Variants in GALNT17 observed in about 807,000 individuals in gnomAD.
GALNT17 encodes UDP-GalNAc:polypeptide N-acetylgalactosaminyltransferase-like 3.
GALNT17 carries 29 observed loss-of-function variants against 63.7 expected under a neutral mutation model. That is an observed-to-expected ratio of 0.46 (90% CI 0.34 to 0.62). The LOEUF (loss-of-function observed/expected upper bound fraction) is 0.62, where lower values mean the gene tolerates loss of function less well. GALNT17 is among the 20% of genes least tolerant of loss of function. The pLI is 0.01. For synonymous variants in GALNT17, 305 were observed against 318.3 expected, an observed-to-expected ratio of 0.96 and a Z score of 0.45; for missense variants, 603 against 799.6, an observed-to-expected ratio of 0.75 and a Z score of 2.97.
At chr7:71,629,265 C>G (rs1476109237) in intron 6 of GALNT17, among the ~76,000 whole-genome samples, 1 of 152,070 alleles carries the variant, frequency 6.6e-6, no homozygotes, top group African/African-American at 2.4e-5. Context: ...TCAAGCTGCT[C>G]CAGCCAGGAG....
chr7:71,195,528 T>C (rs1789032062), intron 1 of GALNT17, among the ~76,000 whole-genome samples: 1 of 152,092 alleles, frequency 6.6e-6, no homozygotes, highest in Admixed American at 6.6e-5. Context: ...CACAGGCATC[T>C]GCCACCATGC....
chr7:71,294,371 A>G (rs1415110466), intron 1 of GALNT17, among the ~76,000 whole-genome samples: 2 of 147,684 alleles, frequency 1.4e-5, no homozygotes, highest in Non-Finnish European at 3.0e-5. Context: ...AATGCTCACA[A>G]TATGCATATT....
chr7:71,517,719 C>T (rs1199060954), intron 5 of GALNT17, among the ~76,000 whole-genome samples: 1 of 152,110 alleles, frequency 6.6e-6, no homozygotes, highest in Non-Finnish European at 1.5e-5. Flanking sequence ...AGGGGCTGTT[C>T]TAGGTTTAGA....
At chr7:71,491,119 A>G (rs1338158115) in intron 5 of GALNT17, among the ~76,000 whole-genome samples, 2 of 152,104 alleles carry the variant, frequency 1.3e-5, no homozygotes, top group Non-Finnish European at 2.9e-5. Flanking sequence ...ACTTGAACCC[A>G]GGAGGCAGAG....
chr7:71,613,002 C>G (rs544369581), intron 6 of GALNT17, among the ~76,000 whole-genome samples: 11 of 152,260 alleles, frequency 7.2e-5, no homozygotes, highest in Admixed American at 2.0e-4. Context: ...GTTAACGGCC[C>G]CCCTCTCGCC....
chr7:71,252,180 T>G (rs1790210194), intron 1 of GALNT17, among the ~76,000 whole-genome samples: 1 of 151,790 alleles, frequency 6.6e-6, no homozygotes, highest in African/African-American at 2.4e-5. Flanking sequence ...AACAGAAGTT[T>G]TATTATAGGC....
intron 1 of GALNT17, among the ~76,000 whole-genome samples, chr7:71,170,184 G>A (rs1788521206): frequency 6.6e-6 from 1 of 152,124 alleles, no homozygotes; most frequent in East Asian, 1.9e-4. Context: ...GATAGTGAAT[G>A]TTGTGTAATG....
chr7:71,544,715 C>G (rs1206734553), intron 5 of GALNT17, among the ~76,000 whole-genome samples: 2 of 152,124 alleles, frequency 1.3e-5, no homozygotes, highest in Non-Finnish European at 2.9e-5. Context: ...TCTCTTTCAT[C>G]AAGGTGAATA....
intron 2 of GALNT17, among the ~76,000 whole-genome samples, chr7:71,347,447 A>G (rs561309491): frequency 6.6e-6 from 1 of 152,306 alleles, no homozygotes; most frequent in Admixed American, 6.5e-5. Flanking sequence ...ATTTCACACA[A>G]TAATATACCT....
At chr7:71,711,536 CCT>C (rs1554327625) in intron 10 of GALNT17, among the ~76,000 whole-genome samples, 1 of 150,288 alleles carries the variant, frequency 6.7e-6, no homozygotes, top group East Asian at 2.0e-4. Flanking sequence ...TCCCTCTCTC[CCT>C]CTGTCTCCCT....
At chr7:71,693,688 A>G (rs939468712) in intron 9 of GALNT17, among the ~76,000 whole-genome samples, 1 of 151,934 alleles carries the variant, frequency 6.6e-6, no homozygotes, top group African/African-American at 2.4e-5. Flanking sequence ...GGGATCAGGA[A>G]AAATATTAAA....
chr7:71,708,103 T>C (rs1227058493), intron 9 of GALNT17, among the ~76,000 whole-genome samples: 2 of 152,208 alleles, frequency 1.3e-5, no homozygotes, highest in Non-Finnish European at 2.9e-5. Flanking sequence ...TTATTATAAA[T>C]TCTGTTGCAA....
At chr7:71,269,743 C>T (rs1302171702) in intron 1 of GALNT17, among the ~76,000 whole-genome samples, 1 of 152,150 alleles carries the variant, frequency 6.6e-6, no homozygotes, top group Non-Finnish European at 1.5e-5. Context: ...ACTTATTTTC[C>T]TCTTATAACT....
At chr7:71,600,919 C>G (rs1027767869) in intron 6 of GALNT17, among the ~76,000 whole-genome samples, 2 of 151,996 alleles carry the variant, frequency 1.3e-5, no homozygotes, top group South Asian at 2.1e-4. Flanking sequence ...CCCACTCCCA[C>G]TCTTCCCCCC....
intron 6 of GALNT17, among the ~76,000 whole-genome samples, chr7:71,660,024 A>ACAGAGCAAGAC (rs1176621900): frequency 1.1e-4 from 16 of 152,232 alleles, no homozygotes; most frequent in Non-Finnish European, 7.4e-5. Context: ...TCTGCCTGTG[A>ACAGAGCAAGAC]TTCTTTGATT....
At position 71,712,179 on chromosome 7, in the gene GALNT17, C is replaced by T; in HGVS notation, c.*33C>T. ...GAGCTGGGGCACTGGAGCCTGGCCC[C>T]CAGGACATGGCTGCTCCCCCCAACA... On this transcript the variant is annotated 3_prime_UTR_variant, in exon 11 of 11. Coordinates refer to ENST00000333538, the MANE Select transcript of GALNT17 (RefSeq NM_022479.3). 1 of 1,603,248 alleles carries T rather than the reference C, an allele frequency of 6.2e-7. No individual in the cohort carries two copies. The highest frequency in any genetic ancestry group is 1.3e-5 in the African/African-American group (1 of 74,648).
chr7:71,435,468 C>T (rs557050043), intron 5 of GALNT17, among the ~76,000 whole-genome samples: 2 of 152,314 alleles, frequency 1.3e-5, no homozygotes, highest in African/African-American at 4.8e-5. Flanking sequence ...AGGAGTCATG[C>T]AGCTGGAGGC....
At chr7:71,666,873 C>T (rs370679779) in intron 7 of GALNT17, among the ~76,000 whole-genome samples, 3 of 152,118 alleles carry the variant, frequency 2.0e-5, no homozygotes, top group Admixed American at 2.0e-4. Context: ...TTGGTTGAAC[C>T]GATGGATGCA....
chr7:71,589,306 A>G (rs1039438548), intron 6 of GALNT17, among the ~76,000 whole-genome samples: 4 of 152,222 alleles, frequency 2.6e-5, no homozygotes, highest in Non-Finnish European at 4.4e-5. Context: ...AGCCAGGCAC[A>G]GTGGCTCACA....
Sources: allele counts gnomAD v4.1 joint callset (sites outside exome capture counted in the v4.1 genomes callset), GRCh38; gene constraint gnomAD v4.1.1; transcripts MANE v1.5; gene names NCBI Gene and HGNC (gene_info 2026-07-23, HGNC 2026-07-21).